The following URB1 variants were observed in gnomAD, a reference collection of about 807,000 sequenced individuals.
The protein encoded by URB1 is URB1 ribosome biogenesis factor.
URB1 carries 197 observed loss-of-function variants against 242.3 expected under a neutral mutation model. That is an observed-to-expected ratio of 0.81 (90% CI 0.72 to 0.91). The LOEUF (loss-of-function observed/expected upper bound fraction) is 0.91. URB1 is among the 40% of genes least tolerant of loss of function. URB1 has a pLI of 0.00. For missense variants in URB1, 2,721 were observed against 2,860.5 expected (o/e 0.95, Z 1.11); for synonymous variants, 1,153 against 1,201.8 (o/e 0.96, Z 0.84).
At chr21:32,316,354 C>T (rs915037048) in intron 38 of URB1, 112 bp downstream of exon 38, 1 of 1,422,604 alleles carries the variant, frequency 7.0e-7, no homozygotes, top group South Asian at 1.5e-5. Flanking sequence ...GCACAATACC[C>T]AGCTGAGGAA....
chr21:32,338,508 T>C (rs1568815455), intron 26 of URB1, among the ~76,000 whole-genome samples, 199 bp downstream of exon 26: 8 of 152,168 alleles, frequency 5.3e-5, no homozygotes, highest in Admixed American at 4.6e-4. Context: ...AAAACAGGTT[T>C]GTATTTGCTG....
chr21:32,347,334 T>G lies in URB1; in HGVS notation c.3490A>C (p.Ser1164Arg), dbSNP rs200343080. Residue 1164 changes from serine to arginine, a missense_variant, in exon 22 of 39, where the codon AGC becomes CGC. Ser to Arg is a moderately radical substitution (Grantham distance 110). Transcript: ENST00000382751. The stretch of plus-strand genomic sequence containing the variant: ...CCACTCTGCAGCTGATCCTGGGGGC[T>G]GCAGGTCAGCAGCTGCACCAGGGTC... ...GKTLVQLLTC[S>R]PQDQLQSGEL... 3.8e-5 allele frequency: 59 copies of G among 1,551,230 alleles called. No individual in the cohort carries two copies. Among genetic ancestry groups the G allele is most frequent in the Non-Finnish European group, 8.7e-6 (10 of 1,147,004 alleles).
chr21:32,368,977 C>G (rs2033377479), intron 8 of URB1, among the ~76,000 whole-genome samples: 1 of 152,106 alleles, frequency 6.6e-6, no homozygotes, highest in African/African-American at 2.4e-5. Flanking sequence ...ACAAAACCAG[C>G]AGGGAGGAAT....
At chr21:32,379,978 CA>C (rs1055946068) in intron 4 of URB1, among the ~76,000 whole-genome samples, 278 of 133,402 alleles carry the variant, frequency 2.1e-3, no homozygotes, top group East Asian at 2.8e-3. Context: ...GACTCCATCT[CA>C]AAAAAAAAAA....
intron 19 of URB1, among the ~76,000 whole-genome samples, chr21:32,351,197 G>A (rs1456754416): frequency 6.6e-6 from 1 of 152,220 alleles, no homozygotes; most frequent in African/African-American, 2.4e-5. Context: ...GCAGAAGCCT[G>A]TCCCACAGGC....
intron 14 of URB1, among the ~76,000 whole-genome samples, chr21:32,358,477 C>A (rs2033248953): frequency 6.6e-6 from 1 of 152,120 alleles, no homozygotes; most frequent in African/African-American, 2.4e-5. Context: ...GGGCTTTGAA[C>A]AAGTCTTCAA....
At chr21:32,383,833 T>C (rs1050895878) in intron 3 of URB1, among the ~76,000 whole-genome samples, 18 of 152,210 alleles carry the variant, frequency 1.2e-4, no homozygotes, top group Admixed American at 7.9e-4. Context: ...GTGTGATCAA[T>C]AGACCACACC....
chr21:32,339,026 A>G (rs1057030937), intron 25 of URB1, 126 bp from the exon 26 acceptor site: 7 of 1,045,136 alleles, frequency 6.7e-6, no homozygotes, highest in Non-Finnish European at 9.3e-6. Context: ...AGTCTCATTC[A>G]TTCTATTGCC....
At chr21:32,328,465 G>C (rs2032856050) in intron 30 of URB1, among the ~76,000 whole-genome samples, 1 of 152,106 alleles carries the variant, frequency 6.6e-6, no homozygotes, top group Non-Finnish European at 1.5e-5. Context: ...ACAAGTGACT[G>C]TTTTTGATAA....
chr21:32,360,042 T>TC, intron 13 of URB1, 134 bp from the exon 14 acceptor site: 1 of 785,102 alleles, frequency 1.3e-6, no homozygotes, highest in Non-Finnish European at 2.1e-6. Context: ...TGTTTCTCTG[T>TC]CCTGTGCTCA....
chr21:32,365,155 G>C (rs1266576426), intron 10 of URB1, among the ~76,000 whole-genome samples: 1 of 152,222 alleles, frequency 6.6e-6, no homozygotes, highest in Non-Finnish European at 1.5e-5. Context: ...CACAGAGGAG[G>C]CACATCTGGC....
intron 30 of URB1, among the ~76,000 whole-genome samples, chr21:32,331,259 G>A (rs1446532845): frequency 6.6e-6 from 1 of 152,144 alleles, no homozygotes; most frequent in Non-Finnish European, 1.5e-5. Flanking sequence ...CCTCTAGAAT[G>A]AGGAAACTGT....
chr21:32,314,322 T>A lies in URB1; in HGVS notation c.*596A>T. The A allele has an allele frequency of 2.3e-6, 1 of 438,158 alleles. No individual in the cohort carries two copies. The highest frequency in any genetic ancestry group is 4.3e-6 in the Non-Finnish European group (1 of 233,940). The allele number at this position is 438,158 out of a possible 1,614,324, so 27.1% of individuals were successfully genotyped here. On this transcript the variant is annotated 3_prime_UTR_variant, in exon 39 of 39. Coordinates refer to ENST00000382751, the MANE Select transcript of URB1 (RefSeq NM_014825.3). ...GCCTTAGCCTCCCGAGTAGCTGGAA[T>A]TACAGGTGTGCGCTACCATGCCTGG... is the stretch of plus-strand genomic sequence containing the variant.
In URB1 at chr21:32,378,392, G is replaced by A. The variant is rs1015699219; in HGVS notation, c.664+53C>T. 14 of 1,482,078 alleles carry A rather than the reference G, an allele frequency of 9.4e-6. No homozygotes were observed. In the East Asian group the frequency reaches 3.5e-4, roughly 37 times the overall value. 91.8% of individuals were successfully genotyped at this position (1,482,078 alleles called of 1,614,324 possible). ...TTGAACTTGGAAGAAACGGTTTGCA[G>A]TAGGTTTTTCAAAACAAATGGGCTT... On this transcript the variant is annotated intron_variant, in intron 5 of 38. Coordinates refer to ENST00000382751, the MANE Select transcript of URB1 (RefSeq NM_014825.3).
Position 32,353,969 on chromosome 21 carries a change from T to G in URB1, c.2380A>C (p.Arg794=), listed in dbSNP as rs1047831306. Residue 794 remains arginine (R), a synonymous_variant, in exon 18 of 39, where the codon AGG becomes CGG. Transcript: ENST00000382751. The part of the protein sequence containing the change: ...SAVVPAALEA[R]NKLLLGTGNE... ...CCTGTCCCAAGGAGCAACTTATTCC[T>G]GGCTTCCAGGGCCGCAGGGACTACC... is the stretch of plus-strand genomic sequence containing the variant. 3.9e-6 allele frequency: 6 copies of G among 1,551,786 alleles called. No homozygotes were observed. The South Asian group carries it at 7.1e-5, about 18-fold the overall frequency.
chr21:32,363,668 T>C (rs1410638362), intron 10 of URB1, among the ~76,000 whole-genome samples: 3 of 152,080 alleles, frequency 2.0e-5, no homozygotes, highest in Non-Finnish European at 4.4e-5. Flanking sequence ...ACTCTGCCAC[T>C]ATTTTTTTTT....
chr21:32,312,409 A>G lies in URB1; in HGVS notation c.*2509T>C, dbSNP rs2032604096. Reference sequence around the variant, plus strand: ...TAGGATGCTGGGTAAGTTCCCATCCAAGCTCCACTAACACCCGCCGGCTCC... The same window carrying G: ...TAGGATGCTGGGTAAGTTCCCATCCGAGCTCCACTAACACCCGCCGGCTCC... On this transcript the variant is annotated 3_prime_UTR_variant, in exon 39 of 39. Transcript: ENST00000382751. 5.4e-6 allele frequency: 5 copies of G among 923,514 alleles called. No homozygotes were observed. The Admixed American group carries it at 1.6e-4, about 30-fold the overall frequency. 57.2% of individuals were successfully genotyped at this position (923,514 alleles called of 1,614,324 possible).
chr21:32,324,453 T>G (rs1191578906), intron 32 of URB1, 38 bp downstream of exon 32: 2 of 1,507,796 alleles, frequency 1.3e-6, no homozygotes, highest in Admixed American at 2.0e-5. Context: ...CAGCTTCAGC[T>G]TTTCAATTTC....
At position 32,314,357 on chromosome 21, in the gene URB1, G is replaced by A; in HGVS notation, c.*561C>T. On this transcript the variant is annotated 3_prime_UTR_variant, in exon 39 of 39. Coordinates refer to ENST00000382751, the MANE Select transcript of URB1 (RefSeq NM_014825.3). ...GCGCTACCATGCCTGGCTAATTTTT[G>A]TATTTTTAGTAGAGATGGGGTTTCA... 1 of 502,528 alleles carries A rather than the reference G, an allele frequency of 2.0e-6. No individual in the cohort carries two copies. Among genetic ancestry groups the A allele is most frequent in the Non-Finnish European group, 3.7e-6 (1 of 270,940 alleles). The allele number at this position is 502,528 out of a possible 1,614,324, so 31.1% of individuals were successfully genotyped here. A position where few individuals can be genotyped will look rare whatever the true frequency, so the allele number is the denominator to read the frequency against.
Sources: allele counts gnomAD v4.1 joint callset (sites outside exome capture counted in the v4.1 genomes callset), GRCh38; gene constraint gnomAD v4.1.1; transcripts MANE v1.5; gene names NCBI Gene and HGNC (gene_info 2026-07-23, HGNC 2026-07-21).